NXPE4: variants seen among roughly 807,000 people sequenced by gnomAD.
NXPE4 encodes the protein neurexophilin and PC-esterase domain family member 4.
In NXPE4, 42 loss-of-function variants were observed where a neutral mutation model predicts 33.3. The ratio of observed to expected loss-of-function variants is 1.26; its 90% CI spans 0.98 to 1.63. NXPE4 has a LOEUF of 1.63. NXPE4 is among the 40% of genes most tolerant of loss of function. NXPE4 has a pLI of 0.00. For synonymous variants in NXPE4, 253 were observed against 234.9 expected (o/e 1.08, Z -0.71); for missense variants, 709 against 647.6 (o/e 1.09, Z -1.03).
chr11:114,594,192 T>C (rs1949526066), intron 2 of NXPE4, among the ~76,000 whole-genome samples: 1 of 152,156 alleles, frequency 6.6e-6, no homozygotes, highest in South Asian at 2.1e-4. Flanking sequence ...TTGTCTTGTT[T>C]GTAGCACAAG....
chr11:114,628,952 C>A, the NXPE4 span, among the ~76,000 whole-genome samples: 5 of 152,022 alleles, frequency 3.3e-5, no homozygotes, highest in African/African-American at 9.7e-5. Context: ...GACACATACA[C>A]CCTCCCAAGA....
intron 2 of NXPE4, among the ~76,000 whole-genome samples, chr11:114,592,071 C>T (rs958781809): frequency 6.6e-6 from 1 of 152,166 alleles, no homozygotes; most frequent in Non-Finnish European, 1.5e-5. Flanking sequence ...GCTAACATCA[C>T]ATTCAATGTG....
At chr11:114,598,307 G>A (rs1395245184), upstream of NXPE4, among the ~76,000 whole-genome samples, 1 of 20,998 alleles carries the variant, frequency 4.8e-5, no homozygotes, top group East Asian at 1.1e-3. Flanking sequence ...GAGTGCCTTT[G>A]GTTTTTCCAG....
chr11:114,672,398 A>G, the NXPE4 span, among the ~76,000 whole-genome samples: 2 of 104,332 alleles, frequency 1.9e-5, no homozygotes, highest in African/African-American at 5.4e-5. Context: ...ATGCAAAATA[A>G]ATCAGTAAAG....
chr11:114,631,173 G>A, the NXPE4 span, among the ~76,000 whole-genome samples: 2 of 151,998 alleles, frequency 1.3e-5, no homozygotes, highest in Non-Finnish European at 2.9e-5. Context: ...CCATTACTGG[G>A]TATATACCCA....
intron 5 of NXPE4, among the ~76,000 whole-genome samples, chr11:114,578,075 C>G (rs1434436807): frequency 6.6e-6 from 1 of 152,142 alleles, no homozygotes; most frequent in East Asian, 1.9e-4. Flanking sequence ...AACATCAGGG[C>G]TAACTGCTTT....
intron 2 of NXPE4, chr11:114,583,693 A>C: frequency 1.7e-6 from 1 of 577,530 alleles, no homozygotes; most frequent in African/African-American, 1.9e-5. Context: ...AGTTCAAGGC[A>C]TCTGGCTTCT....
chr11:114,629,288 G>A, the NXPE4 span, among the ~76,000 whole-genome samples: 28 of 145,290 alleles, frequency 1.9e-4, no homozygotes, highest in Admixed American at 1.2e-3. Flanking sequence ...ACTGGCAAAC[G>A]GAATCCAGCA....
the NXPE4 span, among the ~76,000 whole-genome samples, chr11:114,606,177 G>A: frequency 6.8e-4 from 103 of 151,390 alleles, 1 homozygote; most frequent in Non-Finnish European, 1.2e-3. Context: ...GTATTGCCTT[G>A]TGGGTAATCA....
chr11:114,604,778 T>C, the NXPE4 span, among the ~76,000 whole-genome samples: 2 of 152,040 alleles, frequency 1.3e-5, no homozygotes, highest in African/African-American at 4.8e-5. Flanking sequence ...TGTTACCCAG[T>C]GGATAATAAG....
chr11:114,610,089 G>C, the NXPE4 span, among the ~76,000 whole-genome samples: 3 of 151,808 alleles, frequency 2.0e-5, no homozygotes, highest in African/African-American at 7.3e-5. Flanking sequence ...CTGTTAACTG[G>C]TGAATAATAA....
chr11:114,653,415 G>A, the NXPE4 span, among the ~76,000 whole-genome samples: 2 of 151,818 alleles, frequency 1.3e-5, no homozygotes, highest in Non-Finnish European at 2.9e-5. Context: ...CCTTGCTCAT[G>A]TGACTCTACA....
At position 114,570,674 on chromosome 11, in the gene NXPE4, T is replaced by C. The variant is rs78715362; in HGVS notation, c.*264A>G. Reference sequence around the variant, plus strand: ...GAGAGAACTTTTACCCATAGGTGTCTTGACTTCCCATTGGTGAAGAGGGGT... The same window carrying C: ...GAGAGAACTTTTACCCATAGGTGTCCTGACTTCCCATTGGTGAAGAGGGGT... On this transcript the variant is annotated 3_prime_UTR_variant, in exon 6 of 6. Coordinates refer to ENST00000375478, the MANE Select transcript of NXPE4 (RefSeq NM_001077639.2). 3.7e-6 allele frequency: 1 copy of C among 273,180 alleles called. No homozygotes were observed. The highest frequency in any genetic ancestry group is 2.2e-5 in the African/African-American group (1 of 45,370). The allele number at this position is 273,180 out of a possible 1,614,324, so 16.9% of individuals were successfully genotyped here. A position where few individuals can be genotyped will look rare whatever the true frequency, so the allele number is the denominator to read the frequency against.
chr11:114,605,193 C>T, the NXPE4 span, among the ~76,000 whole-genome samples: 2 of 151,844 alleles, frequency 1.3e-5, no homozygotes, highest in Non-Finnish European at 2.9e-5. Flanking sequence ...CCACTCTTAC[C>T]CAGTGGATAA....
At chr11:114,615,677 G>A in the NXPE4 span, among the ~76,000 whole-genome samples, 2 of 151,600 alleles carry the variant, frequency 1.3e-5, no homozygotes, top group Non-Finnish European at 2.9e-5. Flanking sequence ...TGGATAATAA[G>A]TGTTGCCTCT....
chr11:114,668,748 G>A, the NXPE4 span, among the ~76,000 whole-genome samples: 2 of 152,052 alleles, frequency 1.3e-5, no homozygotes, highest in Non-Finnish European at 2.9e-5. Context: ...AGTGAATATT[G>A]TAAATATAGA....
the NXPE4 span, among the ~76,000 whole-genome samples, chr11:114,614,185 A>T: frequency 7.0e-6 from 1 of 142,754 alleles, no homozygotes; most frequent in Non-Finnish European, 1.5e-5. Context: ...AATAAGAGGG[A>T]TATTATCCAC....
chr11:114,580,707 GT>G (rs1277570115), intron 4 of NXPE4, among the ~76,000 whole-genome samples: 33 of 152,268 alleles, frequency 2.2e-4, no homozygotes, highest in Non-Finnish European at 4.1e-4. Context: ...TTACCCCTAA[GT>G]TTGTCACACT....
At chr11:114,621,143 G>T in the NXPE4 span, among the ~76,000 whole-genome samples, 2 of 152,172 alleles carry the variant, frequency 1.3e-5, no homozygotes, top group East Asian at 3.9e-4. Flanking sequence ...TGTTTCATGG[G>T]TAAACACTGT....
Sources: allele counts gnomAD v4.1 joint callset (sites outside exome capture counted in the v4.1 genomes callset), GRCh38; gene constraint gnomAD v4.1.1; transcripts MANE v1.5; gene names NCBI Gene and HGNC (gene_info 2026-07-23, HGNC 2026-07-21).